The following PTPRD variants were observed in gnomAD, a reference collection of about 807,000 sequenced individuals.
PTPRD encodes receptor-type tyrosine-protein phosphatase delta.
Under a neutral mutation model 214.5 loss-of-function variants are expected in PTPRD, and 34 were observed. The observed-to-expected ratio is 0.16, with a 90% confidence interval of 0.12 to 0.21. The LOEUF (loss-of-function observed/expected upper bound fraction) is 0.21. Among genes scored for constraint, PTPRD ranks in the 10% least tolerant of loss-of-function variants. The pLI is 1.00. For missense variants in PTPRD, 2,545 were observed against 2,398.7 expected (o/e 1.06, Z -1.27); for synonymous variants, 1,128 against 845.7 (o/e 1.33, Z -5.79).
intron 3 of PTPRD, among the ~76,000 whole-genome samples, chr9:10,199,913 A>T: frequency 6.8e-6 from 1 of 147,118 alleles, no homozygotes; most frequent in East Asian, 2.1e-4. Flanking sequence ...GCACACACGC[A>T]CACACACACA....
At chr9:8,765,878 CT>C (rs1247969805) in intron 11 of PTPRD, among the ~76,000 whole-genome samples, 1 of 152,178 alleles carries the variant, frequency 6.6e-6, no homozygotes, top group Non-Finnish European at 1.5e-5. Flanking sequence ...GTATCCACAG[CT>C]TCTGGGCCTC....
chr9:8,804,777 G>C (rs533390965), intron 11 of PTPRD, among the ~76,000 whole-genome samples: 3 of 152,282 alleles, frequency 2.0e-5, no homozygotes, highest in African/African-American at 7.2e-5. Context: ...AGAAATAAGA[G>C]TAACTGCGAC....
At chr9:9,087,632 T>C (rs1225264351) in intron 10 of PTPRD, among the ~76,000 whole-genome samples, 40 of 152,172 alleles carry the variant, frequency 2.6e-4, no homozygotes. Flanking sequence ...ATCACATACA[T>C]AATCTCACTT....
chr9:9,188,847 G>C (rs1021995845), intron 9 of PTPRD, among the ~76,000 whole-genome samples: 1 of 150,804 alleles, frequency 6.6e-6, no homozygotes, highest in South Asian at 2.1e-4. Flanking sequence ...TGTGTGTTGT[G>C]TGCATGCATG....
chr9:9,028,295 C>G (rs963964250), intron 10 of PTPRD, among the ~76,000 whole-genome samples: 1 of 151,882 alleles, frequency 6.6e-6, no homozygotes, highest in Non-Finnish European at 1.5e-5. Flanking sequence ...TTATGCTCAC[C>G]ATATTCACTA....
intron 11 of PTPRD, among the ~76,000 whole-genome samples, chr9:8,755,930 A>T (rs1040485487): frequency 6.6e-6 from 1 of 152,230 alleles, no homozygotes; most frequent in African/African-American, 2.4e-5. Context: ...GCAATATGTA[A>T]TATTAGTAAA....
chr9:8,599,613 C>CTT (rs1172437057), intron 14 of PTPRD, among the ~76,000 whole-genome samples: 4 of 53,426 alleles, frequency 7.5e-5, no homozygotes, highest in Non-Finnish European at 1.1e-4. Flanking sequence ...CCCGCCCACC[C>CTT]TTTTTTTTTT....
intron 8 of PTPRD, among the ~76,000 whole-genome samples, chr9:9,498,023 G>C (rs2096264481): frequency 6.6e-6 from 1 of 152,054 alleles, no homozygotes; most frequent in Non-Finnish European, 1.5e-5. Flanking sequence ...TGAGATAACA[G>C]TTCCCAGTTT....
intron 14 of PTPRD, among the ~76,000 whole-genome samples, chr9:8,628,154 G>C (rs533219293): frequency 1.3e-5 from 2 of 151,706 alleles, no homozygotes; most frequent in African/African-American, 2.4e-5. Context: ...CTCCAGCCGA[G>C]ACCACTTTAT....
At chr9:8,507,033 CTGT>C (rs2097556603) in intron 22 of PTPRD, among the ~76,000 whole-genome samples, 1 of 152,124 alleles carries the variant, frequency 6.6e-6, no homozygotes, top group African/African-American at 2.4e-5. Context: ...ACTTGGAACT[CTGT>C]CAGAAGCACA....
chr9:10,226,784 A>T (rs1214709800), intron 3 of PTPRD, among the ~76,000 whole-genome samples: 3 of 152,036 alleles, frequency 2.0e-5, no homozygotes, highest in Non-Finnish European at 4.4e-5. Context: ...CTCATCAGGG[A>T]ACAGGGATAG....
chr9:10,510,486 A>C (rs1389219880), intron 2 of PTPRD, among the ~76,000 whole-genome samples: 1 of 152,188 alleles, frequency 6.6e-6, no homozygotes, highest in Non-Finnish European at 1.5e-5. Flanking sequence ...CTTTTTTAAA[A>C]GCATCATATA....
At position 8,315,222 on chromosome 9, in the gene PTPRD, C is replaced by T. The variant is rs1821028394; in HGVS notation, c.*2652G>A. The T allele has an allele frequency of 8.6e-6, 2 of 232,572 alleles. No homozygotes were observed. The highest frequency in any genetic ancestry group is 1.2e-3 in the Middle Eastern group (1 of 804). The allele number at this position is 232,572 out of a possible 1,614,324, so 14.4% of individuals were successfully genotyped here. The stretch of plus-strand genomic sequence containing the variant: ...GTAAGGGAGTTAGTTCTAGGAACAG[C>T]TCCTGAACAGTAAGATTCCCGCAAT... On this transcript the variant is annotated 3_prime_UTR_variant, in exon 46 of 46. Coordinates refer to ENST00000381196, the MANE Select transcript of PTPRD (RefSeq NM_002839.4).
intron 6 of PTPRD, among the ~76,000 whole-genome samples, chr9:9,762,938 C>T (rs1226403809): frequency 6.6e-6 from 1 of 152,160 alleles, no homozygotes; most frequent in Admixed American, 6.5e-5. Flanking sequence ...AAGGTGACAA[C>T]AAGGTAGATT....
At chr9:10,486,232 G>C (rs892911832) in intron 2 of PTPRD, among the ~76,000 whole-genome samples, 2 of 151,912 alleles carry the variant, frequency 1.3e-5, no homozygotes, top group Non-Finnish European at 2.9e-5. Flanking sequence ...ATTGTTTCTG[G>C]GATTTTGTCA....
At chr9:8,932,805 G>A (rs1043218036) in intron 11 of PTPRD, among the ~76,000 whole-genome samples, 2 of 152,134 alleles carry the variant, frequency 1.3e-5, no homozygotes, top group African/African-American at 4.8e-5. Context: ...AGCTTGCTGG[G>A]CTCCGTGGGC....
intron 37 of PTPRD, among the ~76,000 whole-genome samples, chr9:8,381,268 A>C (rs1444700307): frequency 1.3e-5 from 2 of 152,196 alleles, no homozygotes; most frequent in Admixed American, 6.6e-5. Flanking sequence ...ATACCCATTT[A>C]ATGAGGGAGA....
chr9:9,686,665 C>G (rs2097172263), intron 7 of PTPRD, among the ~76,000 whole-genome samples: 1 of 151,472 alleles, frequency 6.6e-6, no homozygotes, highest in African/African-American at 2.4e-5. Flanking sequence ...AAATTCTACC[C>G]TTAACATTTG....
At chr9:10,024,521 T>C (rs913068870) in intron 4 of PTPRD, among the ~76,000 whole-genome samples, 1 of 152,194 alleles carries the variant, frequency 6.6e-6, no homozygotes, top group Non-Finnish European at 1.5e-5. Context: ...AGCACTGTAG[T>C]CATGTCCTAA....
Sources: gnomAD v4.1 joint callset for allele counts (sites outside exome capture counted in the v4.1 genomes callset) on GRCh38, gnomAD v4.1.1 for gene constraint, MANE v1.5 for transcripts, NCBI Gene and HGNC (gene_info 2026-07-23, HGNC 2026-07-21) for gene names.